The following ZNF444 variants were observed in gnomAD, a reference collection of about 807,000 sequenced individuals.
ZNF444 encodes endothelial zinc finger protein 2.
Under a neutral mutation model 14.4 loss-of-function variants are expected in ZNF444, and 8 were observed. The ratio of observed to expected loss-of-function variants is 0.56; its 90% confidence interval spans 0.33 to 1.00. The LOEUF (loss-of-function observed/expected upper bound fraction) is 1.00. ZNF444 is among the 50% of genes least tolerant of loss of function. The probability of loss-of-function intolerance (pLI) is 0.03; values close to 1 mark genes in which losing one functional copy is unlikely to be tolerated. For missense variants in ZNF444, 510 were observed against 504.8 expected (o/e 1.01, Z -0.10); for synonymous variants, 258 against 235.9 (o/e 1.09, Z -0.86).
At position 56,159,347 on chromosome 19, in the gene ZNF444, A is replaced by G. The variant is rs2032119624; in HGVS notation, c.407-277A>G. Among the ~76,000 whole-genome samples the G allele has an allele frequency of 2.0e-5, 3 of 151,820 alleles. No homozygotes were observed. The South Asian group carries it at 6.2e-4, about 31-fold the overall frequency. ...TCCATCCATCATCGGTCCATTCATC[A>G]CCCATCATCCACCCACGCATTCTTC... On this transcript the variant is annotated intron_variant, in intron 4 of 4. Coordinates refer to ENST00000337080, the MANE Select transcript of ZNF444 (RefSeq NM_018337.4).
upstream of ZNF444, among the ~76,000 whole-genome samples, chr19:56,137,488 G>T (rs1044799905): frequency 2.0e-5 from 3 of 150,230 alleles, no homozygotes; most frequent in Admixed American, 6.6e-5. Context: ...AAAAGAAAAA[G>T]AAAAAAAAAG....
chr19:56,154,613 G>C (rs1327540918), intron 3 of ZNF444: 2 of 116,386 alleles, frequency 1.7e-5, no homozygotes, highest in South Asian at 2.9e-4. Context: ...CCACCTAACA[G>C]GACAAGGACA....
intron 1 of ZNF444, among the ~76,000 whole-genome samples, chr19:56,134,033 A>C (rs368984281): frequency 2.0e-5 from 3 of 151,894 alleles, no homozygotes; most frequent in South Asian, 2.1e-4. Flanking sequence ...ACAGACTGAC[A>C]TCCATACGCC....
Position 56,159,825 on chromosome 19 carries a change from G to A in ZNF444, c.608G>A (p.Gly203Asp), listed in dbSNP as rs2032166190. ...HLLRHRQSHS[G>D]EKPHACPECG... ...CTGCGCCACCGGCAGAGCCACTCGGGCGAGAAGCCGCACGCCTGCCCTGAG... is the reference window on the plus strand; with the variant it reads ...CTGCGCCACCGGCAGAGCCACTCGGACGAGAAGCCGCACGCCTGCCCTGAG... Residue 203 changes from glycine to aspartate, a missense_variant, in exon 5 of 5, where the codon GGC (glycine) becomes GAC (aspartate). Transcript: ENST00000337080. 2.5e-6 allele frequency: 4 copies of A among 1,573,312 alleles called. No individual in the cohort carries two copies. The highest frequency in any genetic ancestry group is 2.3e-5 in the East Asian group (1 of 43,156).
At position 56,160,447 on chromosome 19, in the gene ZNF444, C is replaced by G. The variant is rs905570941; in HGVS notation, c.*246C>G. The stretch of plus-strand genomic sequence containing the variant: ...TTCTCCCTGATTTCTCGGCCTCTCT[C>G]TCTGTGTGAAGGGGCCTCTCCCTAA... On this transcript the variant is annotated 3_prime_UTR_variant, in exon 5 of 5. Coordinates refer to ENST00000337080, the MANE Select transcript of ZNF444 (RefSeq NM_018337.4). 8.5e-6 allele frequency: 4 copies of G among 471,276 alleles called. No individual in the cohort carries two copies. The highest frequency in any genetic ancestry group is 4.1e-5 in the African/African-American group (2 of 48,254). 29.2% of individuals were successfully genotyped at this position (471,276 alleles called of 1,614,324 possible).
At chr19:56,135,507 C>T (rs759284706) in intron 1 of ZNF444, among the ~76,000 whole-genome samples, 1 of 152,086 alleles carries the variant, frequency 6.6e-6, no homozygotes, top group Non-Finnish European at 1.5e-5. Flanking sequence ...TCCTCCGTCT[C>T]ACCTCCCTTC....
rs112293450 is a variant in ZNF444 at position 56,146,126 on chromosome 19, T to C, written c.-196-121T>C. On this transcript the variant is annotated intron_variant, in intron 1 of 4. Coordinates refer to ENST00000337080, the MANE Select transcript of ZNF444 (RefSeq NM_018337.4). ...GGTGGCTTCTGAGTAGGCTGCAAAG[T>C]GTCTGCTCCCAGGGTGTGGGGTGCA... 792 of 152,400 alleles carry C rather than the reference T, an allele frequency of 5.2e-3. 7 individuals carry two copies. The highest frequency in any genetic ancestry group is 8.4e-3 in the Non-Finnish European group (569 of 68,068). The allele number at this position is 152,400 out of a possible 1,614,324, so 9.4% of individuals were successfully genotyped here.
chr19:56,145,597 TAA>T lies in ZNF444; in HGVS notation c.-196-640_-196-639del, dbSNP rs113399814. 1.2e-4 allele frequency among the ~76,000 whole-genome samples: 18 copies of T among 145,586 alleles called. No individual in the cohort carries two copies. Among genetic ancestry groups the T allele is most frequent in the African/African-American group, 4.5e-4 (18 of 39,990 alleles). On this transcript the variant is annotated intron_variant, in intron 1 of 4. Coordinates refer to ENST00000337080, the MANE Select transcript of ZNF444 (RefSeq NM_018337.4). This position sits in a 1 kb window ranked among gnomAD's most constrained non-coding sequence, Gnocchi z 4.3. Reference sequence around the variant, plus strand: ...CGAGACTCCATCTCAAAACAAAAATTAAAAAAAAAAATAGAGACAGGAGAGCT... The same window carrying T: ...CGAGACTCCATCTCAAAACAAAAATTAAAAAAAAATAGAGACAGGAGAGCT...
At chr19:56,154,857 A>G (rs1248293382) in intron 3 of ZNF444, 1 of 152,220 alleles carries the variant, frequency 6.6e-6, no homozygotes, top group African/African-American at 2.4e-5. Flanking sequence ...ATACACGAGG[A>G]TGCTGCATCC....
chr19:56,159,741 C>T lies in ZNF444; in HGVS notation c.524C>T (p.Ala175Val), dbSNP rs1568566708. 6.3e-7 allele frequency: 1 copy of T among 1,584,626 alleles called. No individual in the cohort carries two copies. The highest frequency in any genetic ancestry group is 8.5e-7 in the Non-Finnish European group (1 of 1,169,602). Residue 175 changes from alanine to valine, a missense_variant, in exon 5 of 5, where the codon GCC (alanine) becomes GTC (valine). Coordinates refer to ENST00000337080, the MANE Select transcript of ZNF444 (RefSeq NM_018337.4). ...LAPGLPAFLA[A>V]PGTTSCPECG... Reference sequence around the variant, plus strand: ...CCTGGCCTGCCCGCCTTCCTAGCGGCCCCGGGCACCACGTCCTGCCCCGAG... The same window carrying T: ...CCTGGCCTGCCCGCCTTCCTAGCGGTCCCGGGCACCACGTCCTGCCCCGAG...
At position 56,145,571 on chromosome 19, in the gene ZNF444, G is replaced by A. The variant is rs371513759; in HGVS notation, c.-196-676G>A. 6.6e-6 allele frequency among the ~76,000 whole-genome samples: 1 copy of A among 151,868 alleles called. No individual in the cohort carries two copies. Among genetic ancestry groups the A allele is most frequent in the East Asian group, 1.9e-4 (1 of 5,178 alleles). On this transcript the variant is annotated intron_variant, in intron 1 of 4. Coordinates refer to ENST00000337080, the MANE Select transcript of ZNF444 (RefSeq NM_018337.4). This position sits in a 1 kb window ranked among gnomAD's most constrained non-coding sequence, Gnocchi z 4.3. ...ATTGCACTCCATCCTGGGCAACAGA[G>A]CGAGACTCCATCTCAAAACAAAAAT...
chr19:56,141,270 A>C, upstream of ZNF444: 1 of 83,916 alleles, frequency 1.2e-5, no homozygotes, highest in South Asian at 5.2e-4. Context: ...TTTGGCGCAA[A>C]GCCTGCTGGG....
chr19:56,152,808 C>T (rs961984134), intron 3 of ZNF444, among the ~76,000 whole-genome samples: 3 of 151,608 alleles, frequency 2.0e-5, no homozygotes, highest in African/African-American at 7.3e-5. Context: ...TCTGGGGTCT[C>T]TTGTAGAAGG....
chr19:56,136,981 C>T (rs1426548231), upstream of ZNF444, among the ~76,000 whole-genome samples: 3 of 151,584 alleles, frequency 2.0e-5, no homozygotes, highest in Non-Finnish European at 1.5e-5. Flanking sequence ...TGGGGTTTCT[C>T]CATGTTGGTC....
chr19:56,159,550 C>T, intron 4 of ZNF444, 74 bp from the exon 5 acceptor site: 7 of 1,308,676 alleles, frequency 5.3e-6, no homozygotes, highest in Non-Finnish European at 7.0e-6. Flanking sequence ...TCCCTCCCTG[C>T]CTCCACCCCA....
chr19:56,151,838 T>C (rs2031596450), intron 3 of ZNF444: 1 of 428,966 alleles, frequency 2.3e-6, no homozygotes, highest in Non-Finnish European at 4.7e-6. Context: ...TGGCATCTGG[T>C]GTGTGGAAAC....
At chr19:56,148,985 C>T (rs1356158475) in intron 3 of ZNF444, among the ~76,000 whole-genome samples, 2 of 152,196 alleles carry the variant, frequency 1.3e-5, no homozygotes, top group Admixed American at 1.3e-4. Flanking sequence ...CATGGCCCTT[C>T]CTCCGTCCTC....
intron 3 of ZNF444, among the ~76,000 whole-genome samples, chr19:56,152,231 C>T (rs779275177): frequency 1.3e-5 from 2 of 151,712 alleles, no homozygotes; most frequent in Admixed American, 6.6e-5. Flanking sequence ...ACTCAGGAAG[C>T]TGAGGCAGGA....
In ZNF444 at chr19:56,147,810, C is replaced by G. The variant is rs1034889389; in HGVS notation, c.297+602C>G. ...GGCTCCAAGGGCTCAGAGATGACTT[C>G]CCAGGGGCAGAGGGCAAAGCCAGGC... On this transcript the variant is annotated intron_variant, in intron 3 of 4. Coordinates refer to ENST00000337080, the MANE Select transcript of ZNF444 (RefSeq NM_018337.4). This position sits in a 1 kb window ranked among gnomAD's most constrained non-coding sequence, Gnocchi z 5.9. Among the ~76,000 whole-genome samples the G allele has an allele frequency of 6.6e-6, 1 of 152,142 alleles. No homozygotes were observed. The highest frequency in any genetic ancestry group is 6.5e-5 in the Admixed American group (1 of 15,280).
Sources: allele counts gnomAD v4.1 joint callset (sites outside exome capture counted in the v4.1 genomes callset), GRCh38; gene constraint gnomAD v4.1.1; non-coding constraint Gnocchi (gnomAD v3.1); transcripts MANE v1.5; gene names NCBI Gene and HGNC (gene_info 2026-07-23, HGNC 2026-07-21).